The following FBXW8 variants were observed in gnomAD, a reference collection of about 807,000 sequenced individuals.
FBXW8 encodes the protein F-box/WD repeat-containing protein 8.
Under a neutral mutation model 65.3 loss-of-function variants are expected in FBXW8, and 57 were observed. That is an observed-to-expected ratio of 0.87 (90% confidence interval 0.71 to 1.09). The LOEUF is 1.09. FBXW8 is among the 50% of genes least tolerant of loss of function. The pLI, the probability that FBXW8 is intolerant of heterozygous loss-of-function variation, is 0.00. For synonymous variants in FBXW8, 308 were observed against 330.2 expected, an observed-to-expected ratio of 0.93 and a Z score of 0.73; for missense variants, 777 against 814.8, an observed-to-expected ratio of 0.95 and a Z score of 0.57.
At chr12:116,964,297 T>C (rs1884170644) in intron 4 of FBXW8, among the ~76,000 whole-genome samples, 1 of 152,222 alleles carries the variant, frequency 6.6e-6, no homozygotes, top group Admixed American at 6.5e-5. Context: ...GCAGCATCTC[T>C]CTCTGTCTTT....
intron 1 of FBXW8, among the ~76,000 whole-genome samples, chr12:116,917,887 G>A (rs1290560165): frequency 6.6e-6 from 1 of 151,760 alleles, no homozygotes; most frequent in African/African-American, 2.4e-5. Context: ...AGCTACTGGG[G>A]AGGCTGAGGC....
At chr12:117,004,769 C>G (rs946159475) in intron 7 of FBXW8, among the ~76,000 whole-genome samples, 1 of 53,128 alleles carries the variant, frequency 1.9e-5, no homozygotes, top group Admixed American at 1.3e-4. Flanking sequence ...GATGCTTGGT[C>G]TCCTGTTTCC....
rs16947130 is a variant in FBXW8, at chr12:116,933,713, A to T, written c.423+5586A>T. Among the ~76,000 whole-genome samples, 626 of 152,362 alleles carry T rather than the reference A, an allele frequency of 4.1e-3. 5 individuals carry two copies. The highest frequency in any genetic ancestry group is 0.015 in the African/African-American group (609 of 41,584). On this transcript the variant is annotated intron_variant, in intron 2 of 10. Transcript: ENST00000652555. ...TGTGATCTGTGAAGTCAGGAGTTTT[A>T]TGGAGCTCTTACATGAGAATGACAA...
chr12:116,926,228 C>CT (rs1211758915), intron 1 of FBXW8, among the ~76,000 whole-genome samples: 2 of 152,196 alleles, frequency 1.3e-5, no homozygotes, highest in African/African-American at 4.8e-5. Flanking sequence ...CTGCAAGTCT[C>CT]TAACAGTGAA....
chr12:116,975,920 T>G (rs1294404158), intron 5 of FBXW8, among the ~76,000 whole-genome samples: 1 of 152,082 alleles, frequency 6.6e-6, no homozygotes, highest in Non-Finnish European at 1.5e-5. Context: ...CCAGAAAAAA[T>G]ATGCTGGTAA....
At chr12:116,923,861 C>T (rs1247272021) in intron 1 of FBXW8, among the ~76,000 whole-genome samples, 2 of 152,200 alleles carry the variant, frequency 1.3e-5, no homozygotes, top group Non-Finnish European at 2.9e-5. Flanking sequence ...ACTGGGACTA[C>T]AGGCGCCTGC....
At chr12:116,979,777 CAAAAA>C (rs60145855) in intron 5 of FBXW8, among the ~76,000 whole-genome samples, 1 of 74,528 alleles carries the variant, frequency 1.3e-5, no homozygotes, top group African/African-American at 4.2e-5. Flanking sequence ...CAGGGAATGG[CAAAAA>C]AAAAAAAAAA....
rs59119067 is a variant in FBXW8 at position 116,992,761 on chromosome 12, GGTGTGTGTGT to G, written c.1239+3919_1239+3928del. Among the ~76,000 whole-genome samples the G allele has an allele frequency of 7.0e-4, 100 of 143,644 alleles. 1 individual carries two copies. The highest frequency in any genetic ancestry group is 7.2e-3 in the Middle Eastern group (2 of 278). 94.2% of individuals were successfully genotyped at this position (143,644 alleles called of 152,430 possible). On this transcript the variant is annotated intron_variant, in intron 7 of 10. Transcript: ENST00000652555. ...TTTTTATGGTTGAGTATTATTCCAT[GGTGTGTGTGT>G]GTGTGTGTGTGTGTGTGTGTGTGTG...
At chr12:116,960,115 A>G (rs1010444482) in intron 4 of FBXW8, among the ~76,000 whole-genome samples, 1 of 152,160 alleles carries the variant, frequency 6.6e-6, no homozygotes, top group African/African-American at 2.4e-5. Context: ...CTGGAGAAAA[A>G]TCAGCCTTTT....
chr12:116,958,246 A>G (rs559440728), intron 4 of FBXW8, among the ~76,000 whole-genome samples: 1 of 152,156 alleles, frequency 6.6e-6, no homozygotes, highest in South Asian at 2.1e-4. Flanking sequence ...GCATAATACA[A>G]CCCCATCGTG....
At chr12:117,014,981 C>T (rs556649787) in intron 8 of FBXW8, among the ~76,000 whole-genome samples, 13 of 152,254 alleles carry the variant, frequency 8.5e-5, no homozygotes, top group South Asian at 6.2e-4. Context: ...CTGCCGGCAT[C>T]GCCGCCACCA....
At chr12:116,954,836 A>G (rs1167159871) in intron 4 of FBXW8, among the ~76,000 whole-genome samples, 1 of 152,156 alleles carries the variant, frequency 6.6e-6, no homozygotes, top group Non-Finnish European at 1.5e-5. Flanking sequence ...AGTGCTGTAC[A>G]TAGTGAGAGC....
intron 5 of FBXW8, chr12:116,978,626 G>A (rs750692369): frequency 3.9e-5 from 6 of 152,148 alleles, no homozygotes; most frequent in Non-Finnish European, 8.8e-5. Flanking sequence ...GGTGTTTATT[G>A]TGGAAGCTCA....
intron 7 of FBXW8, 99 bp from the exon 8 acceptor site, chr12:117,010,224 G>A (rs769106863): frequency 5.6e-5 from 87 of 1,549,620 alleles, no homozygotes; most frequent in Non-Finnish European, 7.6e-5. Context: ...CGGGAGCTCA[G>A]TGATAAGGAT....
intron 1 of FBXW8, among the ~76,000 whole-genome samples, chr12:116,915,215 T>C (rs1043559175): frequency 6.6e-6 from 1 of 152,242 alleles, no homozygotes; most frequent in Non-Finnish European, 1.5e-5. Context: ...GTGAGTGAGG[T>C]AGGCTGGGTG....
intron 7 of FBXW8, among the ~76,000 whole-genome samples, chr12:116,997,188 C>T (rs978983047): frequency 6.6e-6 from 1 of 152,176 alleles, no homozygotes; most frequent in Non-Finnish European, 1.5e-5. Context: ...CAAGACAGAG[C>T]GAGAAACCTC....
intron 7 of FBXW8, among the ~76,000 whole-genome samples, chr12:116,993,990 G>A (rs899081840): frequency 3.3e-5 from 5 of 152,030 alleles, no homozygotes; most frequent in African/African-American, 7.2e-5. Context: ...TGGGTGTCCC[G>A]TCCTCAGTGT....
chr12:116,912,182 TTTTTC>T (rs1297225972), intron 1 of FBXW8, among the ~76,000 whole-genome samples: 12 of 148,808 alleles, frequency 8.1e-5, no homozygotes, highest in Admixed American at 6.0e-4. Context: ...TTTTTTTTTT[TTTTTC>T]TTTCTTTCTT....
At chr12:116,993,592 T>C (rs1953305463) in intron 7 of FBXW8, among the ~76,000 whole-genome samples, 2 of 152,188 alleles carry the variant, frequency 1.3e-5, no homozygotes, top group African/African-American at 2.4e-5. Context: ...ATTATTTGTT[T>C]TGGCTTTTTT....
Sources: gnomAD v4.1 joint callset for allele counts (sites outside exome capture counted in the v4.1 genomes callset) on GRCh38, gnomAD v4.1.1 for gene constraint, MANE v1.5 for transcripts, NCBI Gene and HGNC (gene_info 2026-07-23, HGNC 2026-07-21) for gene names.